The following TEKT5 variants were observed in gnomAD, a reference collection of about 807,000 sequenced individuals.
TEKT5 encodes tektin 5, also known as tektin-5.
In TEKT5, 52 loss-of-function variants were observed where a neutral mutation model predicts 48.7. The ratio of observed to expected loss-of-function variants is 1.07; its 90% CI spans 0.86 to 1.35. The LOEUF (loss-of-function observed/expected upper bound fraction) is 1.35, where lower values mean the gene tolerates loss of function less well. Among genes scored for constraint, TEKT5 ranks in the 40% most tolerant of loss-of-function variants. The pLI, the probability that TEKT5 is intolerant of heterozygous loss-of-function variation, is 0.00. For missense variants in TEKT5, 831 were observed against 641.6 expected, an observed-to-expected ratio of 1.30 and a Z score of -3.19; for synonymous variants, 318 against 267.6, an observed-to-expected ratio of 1.19 and a Z score of -1.84.
chr16:10,671,927 C>T (rs1326752619), intron 5 of TEKT5: 1 of 152,156 alleles, frequency 6.6e-6, no homozygotes. Flanking sequence ...CCCACTGACA[C>T]ATGTGGTTTA....
chr16:10,668,625 C>A (rs1365772537), intron 5 of TEKT5, among the ~76,000 whole-genome samples: 1 of 152,182 alleles, frequency 6.6e-6, no homozygotes, highest in African/African-American at 2.4e-5. Context: ...CCAGGCCTTC[C>A]TGCCCAGGCC....
intron 5 of TEKT5, among the ~76,000 whole-genome samples, chr16:10,665,738 G>A (rs530654184): frequency 2.0e-5 from 3 of 152,280 alleles, no homozygotes; most frequent in African/African-American, 7.2e-5. Flanking sequence ...CACCACCCAC[G>A]TACTATGATG....
intron 5 of TEKT5, among the ~76,000 whole-genome samples, chr16:10,647,563 C>T (rs1187322794): frequency 6.6e-6 from 1 of 152,024 alleles, no homozygotes; most frequent in East Asian, 1.9e-4. Flanking sequence ...GGATGCTCCC[C>T]TCCACCAGTA....
intron 5 of TEKT5, among the ~76,000 whole-genome samples, chr16:10,658,162 C>T (rs947276735): frequency 7.2e-5 from 11 of 152,104 alleles, no homozygotes; most frequent in Non-Finnish European, 1.3e-4. Flanking sequence ...CACTTATATG[C>T]GGCTGGTGGA....
chr16:10,680,670 T>C (rs537316558), intron 4 of TEKT5, among the ~76,000 whole-genome samples: 2 of 151,964 alleles, frequency 1.3e-5, no homozygotes, highest in East Asian at 1.9e-4. Context: ...CATGGAATAC[T>C]ATGCAGCCAT....
rs1278175204 is a variant in TEKT5, at chr16:10,627,812, C to T, written c.1242-13G>A. On this transcript the variant is annotated splice_polypyrimidine_tract_variant and intron_variant, in intron 6 of 6. Transcript: ENST00000283025. Reference sequence around the variant, plus strand: ...CTCGTTCACCAGCCTGGGGTGAGGGCAGAGGAGAAGGCACAGGTTATTCAT... The same window carrying T: ...CTCGTTCACCAGCCTGGGGTGAGGGTAGAGGAGAAGGCACAGGTTATTCAT... The T allele has an allele frequency of 6.2e-7, 1 of 1,611,386 alleles. No individual in the cohort carries two copies. Among genetic ancestry groups the T allele is most frequent in the African/African-American group, 1.3e-5 (1 of 74,880 alleles).
chr16:10,643,997 G>A (rs374170477), intron 5 of TEKT5, among the ~76,000 whole-genome samples: 2 of 152,110 alleles, frequency 1.3e-5, no homozygotes, highest in Non-Finnish European at 2.9e-5. Flanking sequence ...AACCGAGGTC[G>A]CACCATCGCA....
At chr16:10,693,612 T>C (rs16957553) in intron 1 of TEKT5, among the ~76,000 whole-genome samples, 5,187 of 152,326 alleles carry the variant, frequency 0.034, 126 homozygotes, top group Non-Finnish European at 0.053. Context: ...AATCTCTACC[T>C]TGATGGAGAC....
intron 5 of TEKT5, among the ~76,000 whole-genome samples, chr16:10,673,243 C>T (rs973678532): frequency 1.3e-5 from 2 of 152,120 alleles, no homozygotes; most frequent in African/African-American, 4.8e-5. Flanking sequence ...AGCTAAGTTC[C>T]AGAGCAGGGG....
chr16:10,669,413 C>G (rs1029128993), intron 5 of TEKT5, among the ~76,000 whole-genome samples: 1 of 151,978 alleles, frequency 6.6e-6, no homozygotes, highest in Non-Finnish European at 1.5e-5. Context: ...GAGCCGAGAT[C>G]GTGCCACTGC....
At chr16:10,646,246 T>C (rs931511326) in intron 5 of TEKT5, among the ~76,000 whole-genome samples, 6 of 152,174 alleles carry the variant, frequency 3.9e-5, no homozygotes, top group African/African-American at 1.4e-4. Flanking sequence ...TAAACATCAA[T>C]TGAATGAATG....
chr16:10,690,671 C>A (rs1024811692), intron 1 of TEKT5: 3 of 985,384 alleles, frequency 3.0e-6, no homozygotes, highest in Non-Finnish European at 2.4e-6. Context: ...GTCAGGACAA[C>A]CCTGCCACCT....
intron 5 of TEKT5, among the ~76,000 whole-genome samples, chr16:10,649,213 G>A (rs1316546438): frequency 6.6e-6 from 1 of 152,002 alleles, no homozygotes; most frequent in East Asian, 1.9e-4. Flanking sequence ...AGAACTCCTG[G>A]GCTCAGGTGA....
chr16:10,682,881 A>G (rs979892746), intron 3 of TEKT5, among the ~76,000 whole-genome samples: 2 of 152,214 alleles, frequency 1.3e-5, no homozygotes, highest in Non-Finnish European at 2.9e-5. Context: ...CACACTTTGG[A>G]CAAAGCCTGA....
chr16:10,652,836 GACACAC>G lies in TEKT5; in HGVS notation c.1087-16924_1087-16919del, dbSNP rs572998899. On this transcript the variant is annotated intron_variant, in intron 5 of 6. Coordinates refer to ENST00000283025, the MANE Select transcript of TEKT5 (RefSeq NM_144674.2). ...GAACGATCCCTTATATACACAGGCA[GACACAC>G]ACACACACACACACACACACACACA... Among the ~76,000 whole-genome samples the G allele has an allele frequency of 9.8e-3, 193 of 19,664 alleles. 6 individuals are homozygous for G. Among genetic ancestry groups the G allele is most frequent in the Non-Finnish European group, 0.013 (141 of 11,232 alleles). 12.9% of individuals were successfully genotyped at this position (19,664 alleles called of 152,430 possible).
intron 6 of TEKT5, among the ~76,000 whole-genome samples, chr16:10,628,976 G>A (rs1897796528): frequency 6.6e-6 from 1 of 151,100 alleles, no homozygotes; most frequent in African/African-American, 2.5e-5. Flanking sequence ...AAAACATGAT[G>A]CTAAATAAAG....
intron 6 of TEKT5, among the ~76,000 whole-genome samples, chr16:10,634,981 G>T (rs915814205): frequency 6.6e-6 from 1 of 152,184 alleles, no homozygotes; most frequent in African/African-American, 2.4e-5. Context: ...GATAACAAAT[G>T]TGGTTCTTTC....
At chr16:10,636,419 T>C (rs1210362874) in intron 5 of TEKT5, among the ~76,000 whole-genome samples, 2 of 150,526 alleles carry the variant, frequency 1.3e-5, no homozygotes, top group Non-Finnish European at 1.5e-5. Context: ...CCGCTTCAGG[T>C]ATCCTCTTGT....
chr16:10,694,500 T>A lies in TEKT5; in HGVS notation c.374A>T (p.Asp125Val). The change falls in exon 1 of 7, where the codon GAC becomes GTC. Residue 125 changes from aspartate to valine, a missense_variant. Physicochemically the swap from Asp to Val is radical, Grantham distance 152. Transcript: ENST00000283025. ...CATCTGGTGCGTCAGCTGGTCCTTG[T>A]CCTGCAAGAGCCTCATGGAGTCATC... Reference protein sequence around the residue: ...LTDDSMRLLQDKDQLTHQMQE... With the variant: ...LTDDSMRLLQVKDQLTHQMQE... The A allele has an allele frequency of 1.9e-6, 3 of 1,613,244 alleles. No homozygotes were observed. Among genetic ancestry groups the A allele is most frequent in the Non-Finnish European group, 2.5e-6 (3 of 1,179,586 alleles).
Sources: allele counts gnomAD v4.1 joint callset (sites outside exome capture counted in the v4.1 genomes callset), GRCh38; gene constraint gnomAD v4.1.1; transcripts MANE v1.5; gene names NCBI Gene and HGNC (gene_info 2026-07-23, HGNC 2026-07-21).